Variants in TMCC3 observed in about 807,000 individuals in gnomAD.
TMCC3 encodes transmembrane and coiled-coil domain protein 3.
Under a neutral mutation model 40.2 loss-of-function variants are expected in TMCC3, and 28 were observed. The ratio of observed to expected loss-of-function variants is 0.70; its 90% CI spans 0.52 to 0.95. The LOEUF is 0.95. Among genes scored for constraint, TMCC3 ranks in the 40% least tolerant of loss-of-function variants. The pLI is 0.00. For synonymous variants in TMCC3, 255 were observed against 248.5 expected (o/e 1.03, Z -0.25); for missense variants, 554 against 615.2 (o/e 0.90, Z 1.05).
At position 94,614,298 on chromosome 12, in the gene TMCC3, G is replaced by T. The variant is rs78851737; in HGVS notation, c.79-31760C>A. ...TTGTGACCTGGTCTCAAAGGTCCTC[G>T]GGTCACCACTGCAATGATCTTCTTG... On this transcript the variant is annotated intron_variant, in intron 1 of 3. Transcript: ENST00000261226. Among the ~76,000 whole-genome samples the T allele has an allele frequency of 6.6e-3, 998 of 152,010 alleles. 15 individuals are homozygous for T. The highest frequency in any genetic ancestry group is 0.023 in the African/African-American group (946 of 41,438).
rs186597244 is a variant in TMCC3, at chr12:94,577,349, T to C, written c.1131+1045A>G. Among the ~76,000 whole-genome samples the C allele has an allele frequency of 1.0e-3, 154 of 152,174 alleles. 2 individuals carry two copies. Among genetic ancestry groups the C allele is most frequent in the African/African-American group, 3.5e-3 (145 of 41,520 alleles). On this transcript the variant is annotated intron_variant, in intron 3 of 3. Transcript: ENST00000261226. The stretch of plus-strand genomic sequence containing the variant: ...GACTACAGGTGTGTGCCATCACGCC[T>C]GGCTAATTTTTTGTATTTTTAGTAG...
intron 1 of TMCC3, among the ~76,000 whole-genome samples, chr12:94,599,775 T>G (rs2068741547): frequency 6.6e-6 from 1 of 152,192 alleles, no homozygotes; most frequent in Non-Finnish European, 1.5e-5. Context: ...AAGACAGATG[T>G]CTAACGTTTT....
chr12:94,643,115 C>G (rs1338060853), intron 1 of TMCC3, among the ~76,000 whole-genome samples: 1 of 152,060 alleles, frequency 6.6e-6, no homozygotes, highest in Non-Finnish European at 1.5e-5. Context: ...TCACTTGAAC[C>G]TGAGCAGCGG....
At chr12:94,589,373 G>A (rs182799865) in intron 1 of TMCC3, among the ~76,000 whole-genome samples, 4 of 152,298 alleles carry the variant, frequency 2.6e-5, no homozygotes, top group South Asian at 2.1e-4. Flanking sequence ...AGTTGGCTGT[G>A]AGTCAGTGAG....
At chr12:94,600,431 C>T (rs1308414867) in intron 1 of TMCC3, among the ~76,000 whole-genome samples, 2 of 152,082 alleles carry the variant, frequency 1.3e-5, no homozygotes, top group Non-Finnish European at 2.9e-5. Flanking sequence ...AGTCATTACA[C>T]TGATCTTCTA....
intron 3 of TMCC3, among the ~76,000 whole-genome samples, chr12:94,574,513 G>A (rs539412311): frequency 6.6e-6 from 1 of 152,210 alleles, no homozygotes; most frequent in Non-Finnish European, 1.5e-5. Flanking sequence ...GCCCATCTGT[G>A]TTTGCTCAAT....
intron 1 of TMCC3, among the ~76,000 whole-genome samples, chr12:94,626,280 C>T (rs188245406): frequency 6.6e-6 from 1 of 152,338 alleles, no homozygotes; most frequent in Admixed American, 6.5e-5. Context: ...GGGACACAGA[C>T]AAACCGTATC....
At chr12:94,573,848 C>G (rs1007653682) in intron 3 of TMCC3, among the ~76,000 whole-genome samples, 2 of 152,206 alleles carry the variant, frequency 1.3e-5, no homozygotes, top group Non-Finnish European at 2.9e-5. Flanking sequence ...CCGTGGATCT[C>G]CCACTCATTT....
chr12:94,599,386 G>A (rs1555283495), intron 1 of TMCC3, among the ~76,000 whole-genome samples: 2 of 152,028 alleles, frequency 1.3e-5, no homozygotes, highest in Admixed American at 6.6e-5. Context: ...TGTCCCCGCC[G>A]CCCCCACATG....
intron 2 of TMCC3, among the ~76,000 whole-genome samples, chr12:94,580,443 A>T (rs187125118): frequency 6.6e-5 from 10 of 152,308 alleles, no homozygotes; most frequent in Non-Finnish European, 1.2e-4. Flanking sequence ...ATAAAAAAAT[A>T]CATTACATAG....
chr12:94,605,592 C>T (rs2068777883), intron 1 of TMCC3, among the ~76,000 whole-genome samples: 1 of 152,176 alleles, frequency 6.6e-6, no homozygotes, highest in Non-Finnish European at 1.5e-5. Context: ...GAAAATCAGG[C>T]ATTTTGCCTC....
intron 1 of TMCC3, among the ~76,000 whole-genome samples, chr12:94,614,689 G>A (rs968168100): frequency 7.2e-5 from 11 of 151,934 alleles, no homozygotes; most frequent in Admixed American, 5.2e-4. Flanking sequence ...ACAGTGTTAC[G>A]AGGCTATTGC....
At chr12:94,644,552 G>GC in intron 1 of TMCC3, 1 of 359,242 alleles carries the variant, frequency 2.8e-6, no homozygotes, top group Non-Finnish European at 3.9e-6. Context: ...GGAAAAGCCT[G>GC]CAACAAAGTA....
intron 1 of TMCC3, among the ~76,000 whole-genome samples, chr12:94,588,200 G>A (rs1170717322): frequency 2.6e-5 from 4 of 152,154 alleles, no homozygotes; most frequent in African/African-American, 7.2e-5. Context: ...CAGGATTCAC[G>A]GAAGGCTGTC....
At chr12:94,602,455 C>T (rs1311989183) in intron 1 of TMCC3, among the ~76,000 whole-genome samples, 2 of 152,180 alleles carry the variant, frequency 1.3e-5, no homozygotes, top group African/African-American at 4.8e-5. Context: ...TACATTTTCC[C>T]CTTCCTTTTC....
At chr12:94,625,549 G>A (rs575766780) in intron 1 of TMCC3, among the ~76,000 whole-genome samples, 14 of 148,690 alleles carry the variant, frequency 9.4e-5, no homozygotes, top group East Asian at 5.9e-4. Context: ...AGCAGAAATC[G>A]TGCCACTGCA....
chr12:94,577,392 G>A (rs1026724754), intron 3 of TMCC3, among the ~76,000 whole-genome samples: 4 of 152,038 alleles, frequency 2.6e-5, no homozygotes, highest in Non-Finnish European at 4.4e-5. Context: ...GTTTCACCTT[G>A]TTAGCCAGGA....
At chr12:94,615,117 T>C (rs541983805) in intron 1 of TMCC3, among the ~76,000 whole-genome samples, 3 of 152,154 alleles carry the variant, frequency 2.0e-5, no homozygotes, top group South Asian at 2.1e-4. Flanking sequence ...CCTGAATTAA[T>C]AAATGTGTGC....
At chr12:94,600,849 T>C (rs1172107398) in intron 1 of TMCC3, among the ~76,000 whole-genome samples, 1 of 152,180 alleles carries the variant, frequency 6.6e-6, no homozygotes, top group Non-Finnish European at 1.5e-5. Context: ...TTTTACTAGT[T>C]ACTGAAAGCA....
Sources: allele counts gnomAD v4.1 joint callset (sites outside exome capture counted in the v4.1 genomes callset), GRCh38; gene constraint gnomAD v4.1.1; transcripts MANE v1.5; gene names NCBI Gene and HGNC (gene_info 2026-07-23, HGNC 2026-07-21).